Variants in ZNF410 observed in about 807,000 individuals in gnomAD.
ZNF410 encodes zinc finger protein 410, also known as another partner for ARF 1.
In ZNF410, 18 loss-of-function variants were observed where a neutral mutation model predicts 54.8. That is an observed-to-expected ratio of 0.33 (90% CI 0.23 to 0.49). The LOEUF (loss-of-function observed/expected upper bound fraction) is 0.49, where lower values mean the gene tolerates loss of function less well. ZNF410 is among the 20% of genes least tolerant of loss of function. ZNF410 has a pLI of 0.99. For synonymous variants in ZNF410, 191 were observed against 207.3 expected, an observed-to-expected ratio of 0.92 and a Z score of 0.68; for missense variants, 405 against 569.6, an observed-to-expected ratio of 0.71 and a Z score of 2.94.
chr14:73,892,088 A>G lies in ZNF410; in HGVS notation c.-88A>G, dbSNP rs1595383666. On this transcript the variant is annotated 5_prime_UTR_variant, in exon 2 of 12. Coordinates refer to ENST00000555044, the MANE Select transcript of ZNF410 (RefSeq NM_021188.3). ...GGAAGAGCATAGTATTTCCTAGAGG[A>G]ATATGAACATAACAGGAAGGTATCA... The G allele has an allele frequency of 7.3e-7, 1 of 1,361,238 alleles. No individual in the cohort carries two copies. The highest frequency in any genetic ancestry group is 1.1e-6 in the Non-Finnish European group (1 of 949,440). The allele number at this position is 1,361,238 out of a possible 1,614,324, so 84.3% of individuals were successfully genotyped here.
intron 8 of ZNF410, chr14:73,914,901 T>C (rs1271919322): frequency 4.0e-5 from 6 of 150,962 alleles, no homozygotes; most frequent in Admixed American, 3.3e-4. Context: ...GTGCTGAGAT[T>C]ACAGGCATGA....
chr14:73,921,859 A>C (rs2055759803), intron 9 of ZNF410, among the ~76,000 whole-genome samples: 1 of 152,152 alleles, frequency 6.6e-6, no homozygotes, highest in Non-Finnish European at 1.5e-5. Context: ...GACGCTGAAC[A>C]CAAGCAAGGA....
At chr14:73,925,683 C>T (rs910169400) in intron 11 of ZNF410, among the ~76,000 whole-genome samples, 1 of 152,136 alleles carries the variant, frequency 6.6e-6, no homozygotes, top group African/African-American at 2.4e-5. Context: ...CCGCCTCAGC[C>T]TCCCAAAGTG....
Position 73,918,651 on chromosome 14 carries a change from G to A in ZNF410, c.1004-2329G>A, listed in dbSNP as rs564878807. The stretch of plus-strand genomic sequence containing the variant: ...TGGCAACCATTAATCTGCTTTCTGT[G>A]TCTGGATTTGCCTGTTCTGGACATT... On this transcript the variant is annotated intron_variant, in intron 8 of 11. Coordinates refer to ENST00000555044, the MANE Select transcript of ZNF410 (RefSeq NM_021188.3). 9.4e-5 allele frequency among the ~76,000 whole-genome samples: 13 copies of A among 137,902 alleles called. 1 individual carries two copies. In the South Asian group the frequency reaches 2.7e-3, roughly 29 times the overall value. 90.5% of individuals were successfully genotyped at this position (137,902 alleles called of 152,430 possible).
At chr14:73,924,870 G>A in intron 11 of ZNF410, 1 of 327,670 alleles carries the variant, frequency 3.1e-6, no homozygotes, top group South Asian at 2.3e-5. Context: ...GTAGAGACAG[G>A]GTTTCACCAT....
At chr14:73,921,892 C>G (rs1368339321) in intron 9 of ZNF410, among the ~76,000 whole-genome samples, 174 bp from the exon 10 acceptor site, 1 of 152,072 alleles carries the variant, frequency 6.6e-6, no homozygotes, top group Non-Finnish European at 1.5e-5. Flanking sequence ...AAGGCTTACT[C>G]TTTCCCTTCT....
chr14:73,889,692 G>A lies in ZNF410; in HGVS notation c.-149-2335G>A, dbSNP rs17093581. 5.8e-3 allele frequency among the ~76,000 whole-genome samples: 880 copies of A among 152,088 alleles called. 7 individuals are homozygous for A. Among genetic ancestry groups the A allele is most frequent in the African/African-American group, 0.02 (838 of 41,464 alleles). On this transcript the variant is annotated intron_variant, in intron 1 of 11. Coordinates refer to ENST00000555044, the MANE Select transcript of ZNF410 (RefSeq NM_021188.3). The stretch of plus-strand genomic sequence containing the variant: ...ATAAACCATATGAAACTGTTGCAGT[G>A]CTTGAATAAGAAAAATATGTGTGGA...
chr14:73,913,864 C>T (rs2055623434), intron 8 of ZNF410: 1 of 152,314 alleles, frequency 6.6e-6, no homozygotes, highest in African/African-American at 2.4e-5. Context: ...GTATTCCCAC[C>T]TTGGCCTCCC....
At chr14:73,901,800 C>T (rs2055411191) in intron 5 of ZNF410, among the ~76,000 whole-genome samples, 1 of 150,998 alleles carries the variant, frequency 6.6e-6, no homozygotes. Flanking sequence ...TGTGGTAGTG[C>T]ACACCTGTCT....
rs2055269834 is a variant in ZNF410, at chr14:73,893,907, A to G, written c.144A>G (p.Ser48=). Residue 48 remains serine, a synonymous_variant, in exon 3 of 12, where the codon TCA becomes TCG. Coordinates refer to ENST00000555044, the MANE Select transcript of ZNF410 (RefSeq NM_021188.3). ...CCCTCCTTCCCGTGACTGAAGCCTC[A>G]GAATGCAGTCGGCTAATGTTACCAG... ...CLSLLPVTEA[S]ECSRLMLPDD... 1 of 1,612,756 alleles carries G rather than the reference A, an allele frequency of 6.2e-7. No individual in the cohort carries two copies. Among genetic ancestry groups the G allele is most frequent in the African/African-American group, 1.3e-5 (1 of 74,824 alleles).
At chr14:73,887,008 A>C (rs767772590) in intron 1 of ZNF410, 93 bp downstream of exon 1, 1 of 152,554 alleles carries the variant, frequency 6.6e-6, no homozygotes, top group African/African-American at 2.4e-5. Flanking sequence ...CCTGGGGCCG[A>C]GTTCGCCCCG....
At chr14:73,927,624 T>C (rs1282394882) in intron 11 of ZNF410, among the ~76,000 whole-genome samples, 1 of 152,160 alleles carries the variant, frequency 6.6e-6, no homozygotes, top group East Asian at 1.9e-4. Flanking sequence ...TGTATGAAAA[T>C]TTAATTCATT....
At chr14:73,901,576 T>C (rs779893237) in intron 5 of ZNF410, among the ~76,000 whole-genome samples, 24 of 152,064 alleles carry the variant, frequency 1.6e-4, no homozygotes, top group Non-Finnish European at 2.5e-4. Flanking sequence ...AATATTCTTA[T>C]TGTATCTATA....
At chr14:73,890,378 G>C (rs1446810786) in intron 1 of ZNF410, among the ~76,000 whole-genome samples, 1 of 151,326 alleles carries the variant, frequency 6.6e-6, no homozygotes, top group Non-Finnish European at 1.5e-5. Context: ...AGTAGAGACG[G>C]GGTTTCGCCA....
At chr14:73,896,277 T>G (rs753638750) in intron 3 of ZNF410, 39 bp from the exon 4 acceptor site, 1 of 1,530,478 alleles carries the variant, frequency 6.5e-7, no homozygotes. Context: ...CTCCTAGAGA[T>G]AGGTGCTACA....
intron 4 of ZNF410, among the ~76,000 whole-genome samples, chr14:73,897,155 GAGA>G (rs2055330301): frequency 6.6e-6 from 1 of 151,924 alleles, no homozygotes. Flanking sequence ...GCTTATTAGT[GAGA>G]AGAAGTGTGT....
intron 11 of ZNF410, among the ~76,000 whole-genome samples, chr14:73,925,834 C>T (rs146543239): frequency 0.014 from 2,186 of 152,156 alleles, 47 homozygotes; most frequent in African/African-American, 0.049. Context: ...GAGTTCAAGA[C>T]CAGCCTGGGC....
chr14:73,921,374 G>A (rs2055752251), intron 9 of ZNF410: 2 of 313,650 alleles, frequency 6.4e-6, no homozygotes, highest in African/African-American at 4.3e-5. Context: ...CCTAGAATCT[G>A]TAGTTTTAAA....
At chr14:73,928,679 C>T (rs1229966645) in intron 11 of ZNF410, among the ~76,000 whole-genome samples, 2 of 152,094 alleles carry the variant, frequency 1.3e-5, no homozygotes, top group Admixed American at 1.3e-4. Flanking sequence ...TGTGGTGGAT[C>T]ATGTCTATAA....
Sources: gnomAD v4.1 joint callset for allele counts (sites outside exome capture counted in the v4.1 genomes callset) on GRCh38, gnomAD v4.1.1 for gene constraint, MANE v1.5 for transcripts, NCBI Gene and HGNC (gene_info 2026-07-23, HGNC 2026-07-21) for gene names.